SERPINB12: variants seen among roughly 807,000 people sequenced by gnomAD.
SERPINB12 encodes serpin family B member 12.
SERPINB12 carries 57 observed loss-of-function variants against 41.1 expected under a neutral mutation model. The observed-to-expected ratio is 1.39, with a 90% CI of 1.12 to 1.73. SERPINB12 has a LOEUF of 1.73. SERPINB12 is among the 40% of genes most tolerant of loss of function. The pLI is 0.00. For missense variants in SERPINB12, 536 were observed against 501.9 expected (o/e 1.07, Z -0.65); for synonymous variants, 180 against 181.3 (o/e 0.99, Z 0.06).
intron 7 of SERPINB12, 116 bp from the exon 8 acceptor site, chr18:63,566,491 A>G: frequency 1.2e-6 from 1 of 827,594 alleles, no homozygotes; most frequent in Non-Finnish European, 1.9e-6. Flanking sequence ...TAGCTTAGGG[A>G]AAGGTCTTGA....
intron 5 of SERPINB12, among the ~76,000 whole-genome samples, chr18:63,562,843 T>G (rs7242730): frequency 0.62 from 94,465 of 152,086 alleles, 30,264 homozygotes; most frequent in Middle Eastern, 0.73. Flanking sequence ...CTTCTTGAGA[T>G]GGAAGATCTT....
Position 63,568,796 on chromosome 18 carries a change from A to C in SERPINB12, c.*1785A>C, listed in dbSNP as rs1412925595. On this transcript the variant is annotated 3_prime_UTR_variant, in exon 8 of 8. Coordinates refer to ENST00000382768, the MANE Select transcript of SERPINB12 (RefSeq NM_001307928.2). ...TAGCCTCCTCTTCCTTTTCTCACCT[A>C]CCCCAGTGATTTCTTTGTGCTCTGA... is the stretch of plus-strand genomic sequence containing the variant. Among the ~76,000 whole-genome samples the C allele has an allele frequency of 6.6e-6, 1 of 151,608 alleles. No homozygotes were observed. Among genetic ancestry groups the C allele is most frequent in the African/African-American group, 2.4e-5 (1 of 41,220 alleles).
the SERPINB12 span, among the ~76,000 whole-genome samples, chr18:63,528,725 C>T: frequency 1.8e-4 from 28 of 151,986 alleles, no homozygotes; most frequent in East Asian, 3.5e-3. Context: ...CTGAATTCAC[C>T]GGAAAAAAAT....
At chr18:63,549,381 A>G (rs1444798225) in intron 1 of SERPINB12, among the ~76,000 whole-genome samples, 3 of 152,150 alleles carry the variant, frequency 2.0e-5, no homozygotes, top group African/African-American at 7.2e-5. Flanking sequence ...GGAAAATATT[A>G]TAGGCAAAAA....
chr18:63,541,982 A>G (rs897090305), upstream of SERPINB12, among the ~76,000 whole-genome samples: 7 of 152,126 alleles, frequency 4.6e-5, no homozygotes, highest in Admixed American at 6.6e-5. Flanking sequence ...TCACTACTCA[A>G]TTTATTTGAT....
rs1172166456 is a variant in SERPINB12 at position 63,558,487 on chromosome 18, G to GGC, written c.303+1_303+2insGC. On this transcript the variant is annotated splice_donor_variant, in intron 3 of 7. Coordinates refer to ENST00000382768, the MANE Select transcript of SERPINB12 (RefSeq NM_001307928.2). LOFTEE classifies it high-confidence loss of function. Reference sequence around the variant, plus strand: ...AACGACAGAGCCTCTGGATCAGCAGGTGAACCGCCACCGTAGAAAACTCTT... The same window carrying GGC: ...AACGACAGAGCCTCTGGATCAGCAGGGCTGAACCGCCACCGTAGAAAACTCTT... The GGC allele has an allele frequency of 6.2e-7, 1 of 1,607,634 alleles. No homozygotes were observed. Among genetic ancestry groups the GGC allele is most frequent in the Non-Finnish European group, 8.5e-7 (1 of 1,178,322 alleles).
At position 63,559,666 on chromosome 18, in the gene SERPINB12, C is replaced by A; in HGVS notation, c.392C>A (p.Thr131Lys). 1 of 1,614,134 alleles carries A rather than the reference C, an allele frequency of 6.2e-7. No homozygotes were observed. The highest frequency in any genetic ancestry group is 8.5e-7 in the Non-Finnish European group (1 of 1,179,972). ...SKLDRIKTDYTLSIANRLYGE... is the reference protein window; with the variant it reads ...SKLDRIKTDYKLSIANRLYGE... ...TTAGACAGGATCAAGACTGATTACA[C>A]ACTGAGTATTGCCAACAGGCTTTAT... The change falls in exon 4 of 8, where the codon ACA becomes AAA. Residue 131 changes from threonine (T) to lysine (K), a missense_variant. Coordinates refer to ENST00000382768, the MANE Select transcript of SERPINB12 (RefSeq NM_001307928.2).
rs1407695770 is a variant in SERPINB12 at position 63,568,628 on chromosome 18, A to T, written c.*1617A>T. The stretch of plus-strand genomic sequence containing the variant: ...TCTCTTTGGAGTCAGTCTCTTTCCT[A>T]TCGAGGTGGGTTTCAGGTCTTGCTT... On this transcript the variant is annotated 3_prime_UTR_variant, in exon 8 of 8. Coordinates refer to ENST00000382768, the MANE Select transcript of SERPINB12 (RefSeq NM_001307928.2). 6.6e-6 allele frequency among the ~76,000 whole-genome samples: 1 copy of T among 151,974 alleles called. No individual in the cohort carries two copies. Among genetic ancestry groups the T allele is most frequent in the African/African-American group, 2.4e-5 (1 of 41,350 alleles).
intron 1 of SERPINB12, among the ~76,000 whole-genome samples, chr18:63,547,510 G>T (rs1027576204): frequency 1.3e-5 from 2 of 152,036 alleles, no homozygotes; most frequent in African/African-American, 4.8e-5. Flanking sequence ...TGTAAAGTTT[G>T]AATTTCATTC....
upstream of SERPINB12, among the ~76,000 whole-genome samples, chr18:63,538,168 C>T (rs1480793408): frequency 6.6e-6 from 1 of 152,166 alleles, no homozygotes; most frequent in Non-Finnish European, 1.5e-5. Flanking sequence ...ACATGTCTAG[C>T]ACTTTTCCTA....
intron 1 of SERPINB12, among the ~76,000 whole-genome samples, chr18:63,554,278 T>C (rs1910606315): frequency 1.3e-5 from 2 of 152,242 alleles, no homozygotes; most frequent in South Asian, 4.1e-4. Context: ...TGCAGTTTTC[T>C]TTTCTGAAAA....
At chr18:63,552,261 G>C (rs139792041) in intron 1 of SERPINB12, among the ~76,000 whole-genome samples, 1 of 151,946 alleles carries the variant, frequency 6.6e-6, no homozygotes, top group Non-Finnish European at 1.5e-5. Flanking sequence ...AGACCAGGAG[G>C]GTCAATTTCT....
At chr18:63,551,170 G>A (rs1910518049) in intron 1 of SERPINB12, among the ~76,000 whole-genome samples, 1 of 151,790 alleles carries the variant, frequency 6.6e-6, no homozygotes, top group Non-Finnish European at 1.5e-5. Context: ...TCGGGAGGCT[G>A]AGACAGGAGA....
At chr18:63,519,384 G>A in the SERPINB12 span, among the ~76,000 whole-genome samples, 1 of 152,224 alleles carries the variant, frequency 6.6e-6, no homozygotes, top group African/African-American at 2.4e-5. Flanking sequence ...CTCTGTACCA[G>A]CCATGTGCTA....
chr18:63,533,800 T>C, the SERPINB12 span, among the ~76,000 whole-genome samples: 1 of 152,206 alleles, frequency 6.6e-6, no homozygotes, highest in African/African-American at 2.4e-5. Context: ...GAAATCCACA[T>C]GTGCATGTGG....
intron 1 of SERPINB12, among the ~76,000 whole-genome samples, chr18:63,551,476 C>G (rs918640665): frequency 2.0e-5 from 3 of 151,908 alleles, no homozygotes; most frequent in African/African-American, 7.2e-5. Context: ...CAGGTGCATG[C>G]CACCATGCCT....
the SERPINB12 span, among the ~76,000 whole-genome samples, chr18:63,522,105 T>C: frequency 6.6e-6 from 1 of 152,192 alleles, no homozygotes; most frequent in East Asian, 1.9e-4. Context: ...ATAAGTTTAG[T>C]TTTTATCAAA....
chr18:63,555,258 G>A (rs1006037631), intron 1 of SERPINB12, among the ~76,000 whole-genome samples: 1 of 152,144 alleles, frequency 6.6e-6, no homozygotes, highest in African/African-American at 2.4e-5. Flanking sequence ...GAGTCAAAAG[G>A]GGGTGAGAAT....
At chr18:63,523,876 G>A in the SERPINB12 span, among the ~76,000 whole-genome samples, 2 of 152,184 alleles carry the variant, frequency 1.3e-5, no homozygotes, top group Admixed American at 6.5e-5. Flanking sequence ...TGCGTGACTT[G>A]CAAATCACAA....
Sources: allele counts gnomAD v4.1 joint callset (sites outside exome capture counted in the v4.1 genomes callset), GRCh38; gene constraint gnomAD v4.1.1; transcripts MANE v1.5; gene names NCBI Gene and HGNC (gene_info 2026-07-23, HGNC 2026-07-21).